BRD8: variants seen among roughly 807,000 people sequenced by gnomAD.
BRD8 encodes bromodomain containing 8, also known as bromodomain-containing protein 8.
Under a neutral mutation model 143.1 loss-of-function variants are expected in BRD8, and 67 were observed. That is an observed-to-expected ratio of 0.47 (90% CI 0.38 to 0.57). The LOEUF is 0.57. Among genes scored for constraint, BRD8 ranks in the 20% least tolerant of loss-of-function variants. The pLI is 0.00. For synonymous variants in BRD8, 505 were observed against 517.1 expected, an observed-to-expected ratio of 0.98 and a Z score of 0.32; for missense variants, 1,103 against 1,503.0, an observed-to-expected ratio of 0.73 and a Z score of 4.40.
At chr5:138,157,366 G>T (rs1752671703) in intron 20 of BRD8, 3 of 1,502,308 alleles carry the variant, frequency 2.0e-6, no homozygotes, top group East Asian at 4.5e-5. Flanking sequence ...GGGGGAGAGG[G>T]AAGAGAATCA....
At chr5:138,159,848 T>C (rs1488452954) in intron 19 of BRD8, among the ~76,000 whole-genome samples, 9 of 152,240 alleles carry the variant, frequency 5.9e-5, no homozygotes, top group Non-Finnish European at 1.3e-4. Context: ...GAATTAATAA[T>C]TCCCCTACTC....
intron 25 of BRD8, among the ~76,000 whole-genome samples, chr5:138,142,226 C>A (rs530489767): frequency 6.6e-6 from 1 of 152,290 alleles, no homozygotes; most frequent in Admixed American, 6.5e-5. Flanking sequence ...AAGGCATCAT[C>A]TTAGAAGCAG....
chr5:138,164,485 G>C (rs1309825421), intron 12 of BRD8, 72 bp from the exon 13 acceptor site: 1 of 1,433,446 alleles, frequency 7.0e-7, no homozygotes, highest in Admixed American at 1.8e-5. Context: ...TTATTCTTCA[G>C]TGATAATGAG....
At chr5:138,144,672 C>T (rs1034114772) in intron 25 of BRD8, among the ~76,000 whole-genome samples, 14 of 152,094 alleles carry the variant, frequency 9.2e-5, no homozygotes, top group Non-Finnish European at 4.4e-5. Context: ...AAGGCCTAGG[C>T]AGGTGGATTG....
intron 20 of BRD8, among the ~76,000 whole-genome samples, chr5:138,154,553 T>C (rs1752497515): frequency 6.6e-6 from 1 of 152,232 alleles, no homozygotes; most frequent in East Asian, 1.9e-4. Flanking sequence ...AACATGTCCA[T>C]GTAACAAGGA....
At chr5:138,164,534 A>C in intron 12 of BRD8, 121 bp from the exon 13 acceptor site, 1 of 1,156,810 alleles carries the variant, frequency 8.6e-7, no homozygotes, top group South Asian at 1.4e-5. Flanking sequence ...ATGTAATGTG[A>C]CTCCAATGGT....
intron 2 of BRD8, among the ~76,000 whole-genome samples, chr5:138,174,889 G>GTT (rs1168055000): frequency 5.9e-4 from 81 of 137,390 alleles, no homozygotes; most frequent in Middle Eastern, 3.8e-3. Context: ...ATAAACTCAA[G>GTT]TTTTTTTTTT....
At chr5:138,171,781 T>A (rs904947076) in intron 3 of BRD8, among the ~76,000 whole-genome samples, 1 of 152,144 alleles carries the variant, frequency 6.6e-6, no homozygotes, top group Admixed American at 6.5e-5. Flanking sequence ...ATTTTACAAA[T>A]GAAAAAACAG....
intron 18 of BRD8, among the ~76,000 whole-genome samples, chr5:138,160,556 G>A (rs973192796): frequency 1.7e-4 from 26 of 152,066 alleles, no homozygotes; most frequent in African/African-American, 6.3e-4. Flanking sequence ...ATAAAAGCAG[G>A]GAAAAGGAAA....
At chr5:138,166,905 C>T in intron 9 of BRD8, 178 bp from the exon 10 acceptor site, 1 of 553,950 alleles carries the variant, frequency 1.8e-6, no homozygotes, top group Non-Finnish European at 3.2e-6. Flanking sequence ...GATCTTCCTC[C>T]AAGTTAGGAA....
At chr5:138,147,460 T>C (rs879637078) in intron 23 of BRD8, among the ~76,000 whole-genome samples, 1 of 151,878 alleles carries the variant, frequency 6.6e-6, no homozygotes, top group South Asian at 2.1e-4. Context: ...CTATATTCTC[T>C]CAACAGATGG....
At position 138,171,174 on chromosome 5, in the gene BRD8, A is replaced by G. The variant is rs76999140; in HGVS notation, c.237-14T>C. 6 of 1,363,820 alleles carry G rather than the reference A, an allele frequency of 4.4e-6. No individual in the cohort carries two copies. Among genetic ancestry groups the G allele is most frequent in the Non-Finnish European group, 6.0e-6 (6 of 997,168 alleles). The allele number at this position is 1,363,820 out of a possible 1,614,324, so 84.5% of individuals were successfully genotyped here. On this transcript the variant is annotated splice_polypyrimidine_tract_variant and intron_variant, in intron 4 of 26. Coordinates refer to ENST00000254900, the MANE Select transcript of BRD8 (RefSeq NM_139199.2). Reference sequence around the variant, plus strand: ...CCTCGTTTCCGTCTGTGGAAAATTGAAAAAAAAAAATTCATATTCAAATAA... The same window carrying G: ...CCTCGTTTCCGTCTGTGGAAAATTGGAAAAAAAAAATTCATATTCAAATAA...
chr5:138,159,719 G>T, intron 19 of BRD8, 120 bp from the exon 20 acceptor site: 1 of 928,246 alleles, frequency 1.1e-6, no homozygotes, highest in Non-Finnish European at 1.7e-6. Flanking sequence ...TAAAACTCAA[G>T]AACAAGAGGA....
intron 20 of BRD8, chr5:138,157,031 C>G: frequency 6.9e-7 from 1 of 1,455,540 alleles, no homozygotes; most frequent in Non-Finnish European, 9.0e-7. Context: ...TGGTTTCTGC[C>G]CTAAAACAGG....
In BRD8 at chr5:138,147,299, A is replaced by AAAT. The variant is rs1554092632; in HGVS notation, c.3279-1422_3279-1421insATT. Among the ~76,000 whole-genome samples the AAAT allele has an allele frequency of 1.8e-4, 26 of 146,122 alleles. 2 individuals carry two copies. In the Admixed American group the frequency reaches 1.8e-3, roughly 10 times the overall value. ...AAAAAAAGAAATCTGCTCTTCAAAAAATATATATATATATATATTCATATA... is the reference window on the plus strand; with the variant it reads ...AAAAAAAGAAATCTGCTCTTCAAAAAAATATATATATATATATATATTCATATA... On this transcript the variant is annotated intron_variant, in intron 23 of 26. Transcript: ENST00000254900.
At chr5:138,163,546 C>A (rs1371528338) in intron 14 of BRD8, 4 of 1,472,330 alleles carry the variant, frequency 2.7e-6, no homozygotes, top group Non-Finnish European at 3.6e-6. Flanking sequence ...AGAATAATAC[C>A]CAGGATCTTT....
Position 138,164,800 on chromosome 5 carries a change from C to G in BRD8, c.1645G>C (p.Gly549Arg). 1 of 1,614,198 alleles carries G rather than the reference C, an allele frequency of 6.2e-7. No individual in the cohort carries two copies. Among genetic ancestry groups the G allele is most frequent in the Non-Finnish European group, 8.5e-7 (1 of 1,180,030 alleles). The change falls in exon 12 of 27, where the codon GGA (glycine) becomes CGA (arginine). Residue 549 changes from glycine (G) to arginine (R), a missense_variant. By Grantham distance (125) the Gly-to-Arg change is moderately radical (BLOSUM62 -2). Transcript: ENST00000254900. Reference protein sequence around the residue: ...LRSQDLDEELGSTAAGEIVEA... With the variant: ...LRSQDLDEELRSTAAGEIVEA... The stretch of plus-strand genomic sequence containing the variant: ...ACAATCTCTCCAGCTGCAGTACTTC[C>G]CAGTTCCTCATCTAAGTCCTGACTC...
Position 138,171,415 on chromosome 5 carries a change from T to TAAAAAAAAAAAAAAAA in BRD8, c.187-21_187-6dup. 7.4e-7 allele frequency: 1 copy of TAAAAAAAAAAAAAAAA among 1,346,186 alleles called. No homozygotes were observed. Among genetic ancestry groups the TAAAAAAAAAAAAAAAA allele is most frequent in the Non-Finnish European group, 1.0e-6 (1 of 982,974 alleles). 83.4% of individuals were successfully genotyped at this position (1,346,186 alleles called of 1,614,324 possible). On this transcript the variant is annotated splice_polypyrimidine_tract_variant and splice_region_variant and intron_variant, in intron 3 of 26. Coordinates refer to ENST00000254900, the MANE Select transcript of BRD8 (RefSeq NM_139199.2). The stretch of plus-strand genomic sequence containing the variant: ...CGAGTACTGGGAAGCACAATGCTAT[T>TAAAAAAAAAAAAAAAA]AAAAAAAAAAAAAAAAGTGAAAATG...
Position 138,149,614 on chromosome 5 carries a change from A to C in BRD8, c.3278+26T>G, listed in dbSNP as rs764491570. The C allele has an allele frequency of 1.1e-5, 17 of 1,552,644 alleles. No homozygotes were observed. In the African/African-American group the frequency reaches 2.3e-4, roughly 21 times the overall value. ...CATAAACAGAAGTACGAATCTTAACAAACTTGGATGAAAGTCTACGCTTAC... is the reference window on the plus strand; with the variant it reads ...CATAAACAGAAGTACGAATCTTAACCAACTTGGATGAAAGTCTACGCTTAC... On this transcript the variant is annotated intron_variant, in intron 23 of 26. Coordinates refer to ENST00000254900, the MANE Select transcript of BRD8 (RefSeq NM_139199.2).
Sources: gnomAD v4.1 joint callset for allele counts (sites outside exome capture counted in the v4.1 genomes callset) on GRCh38, gnomAD v4.1.1 for gene constraint, MANE v1.5 for transcripts, NCBI Gene and HGNC (gene_info 2026-07-23, HGNC 2026-07-21) for gene names.